SLC43A3: variants seen among roughly 807,000 people sequenced by gnomAD.
The protein encoded by SLC43A3 is equilibrative nucleobase transporter 1.
A neutral mutation model predicts 53.3 loss-of-function variants in SLC43A3; 33 were observed. That is an observed-to-expected ratio of 0.62 (90% CI 0.47 to 0.83). The LOEUF is 0.83. Ranked by LOEUF, SLC43A3 falls within the 40% of genes least tolerant of loss-of-function variation. The pLI, the probability that SLC43A3 is intolerant of heterozygous loss-of-function variation, is 0.00. For missense variants in SLC43A3, 530 were observed against 610.0 expected (o/e 0.87, Z 1.38); for synonymous variants, 236 against 246.2 (o/e 0.96, Z 0.39).
chr11:57,409,166 A>T lies in SLC43A3; in HGVS notation c.1371+9T>A. ...TCCTGCCAGGGATCCCCATCCTCCC[A>T]GTACTCACGTAAAATGGGTCATTCT... On this transcript the variant is annotated intron_variant, in intron 13 of 13. Coordinates refer to ENST00000395124, the MANE Select transcript of SLC43A3 (RefSeq NM_199329.3). 6.2e-7 allele frequency: 1 copy of T among 1,614,188 alleles called. No homozygotes were observed.
chr11:57,421,487 A>G (rs1403005504), intron 5 of SLC43A3, 114 bp from the exon 6 acceptor site: 2 of 744,416 alleles, frequency 2.7e-6, no homozygotes, highest in South Asian at 1.7e-5. Context: ...CCAGGCCCCA[A>G]TTCTAGCCAG....
intron 11 of SLC43A3, among the ~76,000 whole-genome samples, chr11:57,412,870 A>C (rs1371535152): frequency 1.3e-5 from 2 of 152,002 alleles, no homozygotes; most frequent in African/African-American, 4.8e-5. Flanking sequence ...TAATGGGCCT[A>C]GGCATTGATC....
intron 6 of SLC43A3, 64 bp downstream of exon 6, chr11:57,421,233 G>GTCTC (rs1296642155): frequency 5.8e-5 from 83 of 1,438,814 alleles, no homozygotes; most frequent in Admixed American, 7.0e-5. Context: ...ATAGAAAAGG[G>GTCTC]TCTCTCCTTC....
intron 11 of SLC43A3, among the ~76,000 whole-genome samples, chr11:57,411,985 T>C (rs1421255373): frequency 1.3e-5 from 2 of 152,026 alleles, no homozygotes; most frequent in South Asian, 2.1e-4. Context: ...ATGATATTTT[T>C]CTTATAAAAA....
intron 8 of SLC43A3, among the ~76,000 whole-genome samples, chr11:57,417,533 C>T (rs1005630126): frequency 3.3e-5 from 5 of 152,252 alleles, no homozygotes; most frequent in Non-Finnish European, 5.9e-5. Flanking sequence ...TGGCCCTGAT[C>T]AGCGGAACTA....
chr11:57,425,783 C>T, intron 3 of SLC43A3, 113 bp from the exon 4 acceptor site: 1 of 1,526,488 alleles, frequency 6.6e-7, no homozygotes, highest in Non-Finnish European at 8.8e-7. Flanking sequence ...GTCCCTTAAG[C>T]TGAGTTGAAA....
In SLC43A3 at chr11:57,425,552, G is replaced by A. The variant is rs1943173836; in HGVS notation, c.303C>T (p.Arg101=). The change falls in exon 4 of 14, where the codon CGC becomes CGT. Residue 101 remains arginine (R), a synonymous_variant. Coordinates refer to ENST00000395124, the MANE Select transcript of SLC43A3 (RefSeq NM_199329.3). Reference sequence around the variant, plus strand: ...CCTTTGGGACTTACATGGCTATGAGGCGTGCCACGGTGGTCTTGAACCGGT... The same window carrying A: ...CCTTTGGGACTTACATGGCTATGAGACGTGCCACGGTGGTCTTGAACCGGT... ...IFDRFKTTVA[R]LIAIFFYTTA... is the part of the protein sequence containing the mutation. The A allele has an allele frequency of 6.2e-7, 1 of 1,613,920 alleles. No homozygotes were observed. The highest frequency in any genetic ancestry group is 8.5e-7 in the Non-Finnish European group (1 of 1,179,986).
chr11:57,421,254 C>T (rs1437435038), intron 6 of SLC43A3, 43 bp downstream of exon 6: 4 of 1,542,684 alleles, frequency 2.6e-6, no homozygotes, highest in South Asian at 2.3e-5. Context: ...CCTCCACCTT[C>T]CCGCCACCCT....
intron 5 of SLC43A3, 59 bp from the exon 6 acceptor site, chr11:57,421,432 C>A: frequency 7.8e-7 from 1 of 1,285,952 alleles, no homozygotes; most frequent in East Asian, 2.3e-5. Flanking sequence ...CATGGAGCCC[C>A]AAACTCTGCT....
chr11:57,413,102 C>T (rs914003453), intron 11 of SLC43A3, among the ~76,000 whole-genome samples: 1 of 151,382 alleles, frequency 6.6e-6, no homozygotes, highest in South Asian at 2.1e-4. Context: ...TTCCTCCAAG[C>T]TTCTAATCCT....
In SLC43A3 at chr11:57,415,043, C is replaced by T. The variant is rs372301143; in HGVS notation, c.833G>A (p.Arg278His). 5.1e-5 allele frequency: 83 copies of T among 1,614,040 alleles called. 1 individual carries two copies. The highest frequency in any genetic ancestry group is 6.0e-5 in the Non-Finnish European group (71 of 1,180,018). Reference sequence around the variant, plus strand: ...CAGCCACACCAGGTGCCAGGCAAAGCGCCGAGAGAAAGCGTAGCTCCAGAA... The same window carrying T: ...CAGCCACACCAGGTGCCAGGCAAAGTGCCGAGAGAAAGCGTAGCTCCAGAA... Reference protein sequence around the residue: ...RSFWSYAFSRRFAWHLVWLSV... With the variant: ...RSFWSYAFSRHFAWHLVWLSV... Residue 278 changes from arginine to histidine, a missense_variant, in exon 10 of 14, where the codon CGC becomes CAC. Transcript: ENST00000395124.
At chr11:57,425,391 G>A in intron 4 of SLC43A3, 150 bp downstream of exon 4, 5 of 734,968 alleles carry the variant, frequency 6.8e-6, no homozygotes, top group Non-Finnish European at 1.1e-5. Flanking sequence ...GCTGCCTGGG[G>A]CTGTTCCTAA....
At chr11:57,418,229 G>A (rs373082557) in intron 7 of SLC43A3, among the ~76,000 whole-genome samples, 1 of 152,064 alleles carries the variant, frequency 6.6e-6, no homozygotes, top group East Asian at 1.9e-4. Context: ...CAGCTACTCA[G>A]GAGGCTGAGT....
At position 57,421,272 on chromosome 11, in the gene SLC43A3, G is replaced by A. The variant is rs7131371; in HGVS notation, c.438+25C>T. On this transcript the variant is annotated intron_variant, in intron 6 of 13. Coordinates refer to ENST00000395124, the MANE Select transcript of SLC43A3 (RefSeq NM_199329.3). ...CCACCTTCCCGCCACCCTGCCGAGT[G>A]CCTGGGATTAGGGAAGGCTCCCACC... 9.7e-4 allele frequency: 1,541 copies of A among 1,589,518 alleles called. 6 individuals carry two copies. The African/African-American group carries it at 0.012, about 12-fold the overall frequency.
intron 13 of SLC43A3, 181 bp from the exon 14 acceptor site, chr11:57,408,077 C>A: frequency 1.8e-6 from 1 of 565,352 alleles, no homozygotes. Context: ...AGTTACTTTT[C>A]ATTCTGCACT....
chr11:57,417,075 G>A (rs766642967), intron 8 of SLC43A3, among the ~76,000 whole-genome samples: 2 of 152,224 alleles, frequency 1.3e-5, no homozygotes, highest in South Asian at 2.1e-4. Flanking sequence ...TGAAATCAGA[G>A]AGCACATGGG....
rs958871721 is a variant in SLC43A3, at chr11:57,423,788, C to T, written c.361+194G>A. The T allele has an allele frequency of 7.2e-6, 4 of 557,778 alleles. No homozygotes were observed. The Admixed American group carries it at 1.2e-4, about 17-fold the overall frequency. 34.6% of individuals were successfully genotyped at this position (557,778 alleles called of 1,614,324 possible). ...AAGTAATCCCTCTCCATCATCCTTG[C>T]TTTTCACATTTTCTCAATAAACTGT... On this transcript the variant is annotated intron_variant, in intron 5 of 13. Coordinates refer to ENST00000395124, the MANE Select transcript of SLC43A3 (RefSeq NM_199329.3).
At chr11:57,409,073 C>T (rs1942332816) in intron 13 of SLC43A3, 102 bp downstream of exon 13, 1 of 1,156,706 alleles carries the variant, frequency 8.6e-7, no homozygotes, top group Non-Finnish European at 1.3e-6. Context: ...CTTTGGGAAG[C>T]TGCACCATGC....
At chr11:57,422,529 TAAG>T (rs1943034996) in intron 5 of SLC43A3, among the ~76,000 whole-genome samples, 1 of 152,214 alleles carries the variant, frequency 6.6e-6, no homozygotes, top group Non-Finnish European at 1.5e-5. Flanking sequence ...TGCTATACCT[TAAG>T]AAGCACTGCC....
Sources: allele counts gnomAD v4.1 joint callset (sites outside exome capture counted in the v4.1 genomes callset), GRCh38; gene constraint gnomAD v4.1.1; transcripts MANE v1.5; gene names NCBI Gene and HGNC (gene_info 2026-07-23, HGNC 2026-07-21).